The following DCDC1 variants were observed in gnomAD, a reference collection of about 807,000 sequenced individuals.
DCDC1 encodes doublecortin domain-containing protein 1.
In DCDC1, 200 loss-of-function variants were observed where a neutral mutation model predicts 178.3. The ratio of observed to expected loss-of-function variants is 1.12; its 90% CI spans 1.00 to 1.26. DCDC1 has a LOEUF of 1.26. DCDC1 is among the 50% of genes most tolerant of loss of function. DCDC1 has a pLI of 0.00. For synonymous variants in DCDC1, 690 were observed against 604.8 expected, an observed-to-expected ratio of 1.14 and a Z score of -2.07; for missense variants, 1,983 against 1,749.2, an observed-to-expected ratio of 1.13 and a Z score of -2.38.
chr11:30,917,874 T>A (rs1464568228), intron 25 of DCDC1, among the ~76,000 whole-genome samples: 2 of 152,212 alleles, frequency 1.3e-5, no homozygotes, highest in Middle Eastern at 3.2e-3. Flanking sequence ...CAAGCATTAT[T>A]AAATTACCAA....
At chr11:31,016,407 A>G (rs1345778396) in intron 20 of DCDC1, among the ~76,000 whole-genome samples, 1 of 152,320 alleles carries the variant, frequency 6.6e-6, no homozygotes, top group African/African-American at 2.4e-5. Context: ...ACATAATGTC[A>G]CTGAAGTTTA....
chr11:30,877,196 G>A (rs573649790), intron 38 of DCDC1, among the ~76,000 whole-genome samples: 97 of 152,200 alleles, frequency 6.4e-4, no homozygotes, highest in African/African-American at 1.9e-3. Flanking sequence ...CTTTTGCAGC[G>A]ATTACCAAGA....
chr11:31,240,379 G>A (rs574697068), intron 9 of DCDC1, among the ~76,000 whole-genome samples: 13 of 151,758 alleles, frequency 8.6e-5, no homozygotes, highest in African/African-American at 2.7e-4. Flanking sequence ...TGAATATAAC[G>A]AGACAAACCA....
chr11:31,258,415 G>A (rs1464280225), intron 8 of DCDC1, among the ~76,000 whole-genome samples: 1 of 152,074 alleles, frequency 6.6e-6, no homozygotes, highest in Non-Finnish European at 1.5e-5. Flanking sequence ...GTATGGACCA[G>A]AAAGCAAAAG....
chr11:31,055,972 T>C (rs1326590283), intron 20 of DCDC1, among the ~76,000 whole-genome samples: 1 of 152,134 alleles, frequency 6.6e-6, no homozygotes, highest in Non-Finnish European at 1.5e-5. Flanking sequence ...AGTAACTAAA[T>C]ACCACCTGTA....
chr11:31,033,261 G>A, intron 20 of DCDC1, among the ~76,000 whole-genome samples: 1 of 151,680 alleles, frequency 6.6e-6, no homozygotes, highest in East Asian at 1.9e-4. Flanking sequence ...AACTTACCAG[G>A]GGAAAAAATT....
At chr11:30,963,773 T>A (rs1489653809) in intron 20 of DCDC1, among the ~76,000 whole-genome samples, 2 of 152,162 alleles carry the variant, frequency 1.3e-5, no homozygotes, top group Non-Finnish European at 2.9e-5. Flanking sequence ...GGAGTCTCTT[T>A]GCCACAGCAG....
At chr11:31,307,562 T>C (rs1462231456) in intron 4 of DCDC1, 77 bp downstream of exon 4, 16 of 1,539,624 alleles carry the variant, frequency 1.0e-5, no homozygotes, top group Non-Finnish European at 1.3e-5. Flanking sequence ...AGATAGTCAA[T>C]TGAAACATTA....
At chr11:31,306,202 A>G (rs751666650) in intron 5 of DCDC1, 30 bp downstream of exon 5, 1 of 1,439,180 alleles carries the variant, frequency 6.9e-7, no homozygotes, top group Non-Finnish European at 9.2e-7. Flanking sequence ...AAAAAAAATA[A>G]AGCACAGAAA....
At chr11:31,122,464 C>T (rs1231543996) in intron 11 of DCDC1, among the ~76,000 whole-genome samples, 2 of 152,096 alleles carry the variant, frequency 1.3e-5, no homozygotes, top group Non-Finnish European at 2.9e-5. Flanking sequence ...AAATGTTTAG[C>T]AACCTGCTTA....
chr11:31,065,501 T>C (rs546756267), intron 18 of DCDC1, among the ~76,000 whole-genome samples: 1 of 152,276 alleles, frequency 6.6e-6, no homozygotes, highest in African/African-American at 2.4e-5. Flanking sequence ...TATGTAATTG[T>C]GTAGTTGCTG....
intron 1 of DCDC1, among the ~76,000 whole-genome samples, chr11:31,345,928 G>T (rs1950790463): frequency 6.6e-6 from 1 of 152,138 alleles, no homozygotes; most frequent in Admixed American, 6.5e-5. Flanking sequence ...GTCATCATGA[G>T]ATGAAAAGAC....
chr11:31,209,841 T>G (rs1031055148), intron 9 of DCDC1, among the ~76,000 whole-genome samples: 2 of 152,044 alleles, frequency 1.3e-5, no homozygotes, highest in Non-Finnish European at 2.9e-5. Flanking sequence ...GGAACAAGCA[T>G]GAACGGGAGA....
intron 20 of DCDC1, among the ~76,000 whole-genome samples, chr11:30,976,954 C>T (rs1035220236): frequency 1.3e-4 from 20 of 151,984 alleles, no homozygotes; most frequent in Non-Finnish European, 2.4e-4. Context: ...GTGGACAAAT[C>T]GACAAAGAAA....
intron 20 of DCDC1, among the ~76,000 whole-genome samples, chr11:31,024,301 A>ATCAT (rs957399497): frequency 1.3e-5 from 2 of 152,008 alleles, no homozygotes; most frequent in South Asian, 2.1e-4. Context: ...CCTGTGGAAT[A>ATCAT]TCATTCATTC....
At chr11:30,905,885 T>C (rs1436154408) in intron 30 of DCDC1, among the ~76,000 whole-genome samples, 1 of 152,180 alleles carries the variant, frequency 6.6e-6, no homozygotes, top group Non-Finnish European at 1.5e-5. Flanking sequence ...GATCTGGGGA[T>C]GAGGTGAGCA....
rs568985624 is a variant in DCDC1, at chr11:31,048,996, C to A, written c.2591+15473G>T. ...ATTGTTTAGAAATATTTAAAGAGGT[C>A]ATTCATCATAAGAGACTGATATTTG... On this transcript the variant is annotated intron_variant, in intron 20 of 38. Transcript: ENST00000684477. Among the ~76,000 whole-genome samples the A allele has an allele frequency of 1.1e-3, 161 of 152,298 alleles. 3 individuals are homozygous for A. Among genetic ancestry groups the A allele is most frequent in the Non-Finnish European group, 3.1e-4 (21 of 68,026 alleles).
intron 9 of DCDC1, among the ~76,000 whole-genome samples, chr11:31,187,630 C>T (rs1042205012): frequency 6.6e-6 from 1 of 152,160 alleles, no homozygotes; most frequent in African/African-American, 2.4e-5. Context: ...ATTCCTTGAC[C>T]ATAGACTTCA....
chr11:30,979,645 C>G (rs1449599261), intron 20 of DCDC1, among the ~76,000 whole-genome samples: 7 of 152,182 alleles, frequency 4.6e-5, no homozygotes, highest in African/African-American at 1.7e-4. Context: ...AGGTCCAAGA[C>G]TTGTCCAGCA....
Sources: allele counts gnomAD v4.1 joint callset (sites outside exome capture counted in the v4.1 genomes callset), GRCh38; gene constraint gnomAD v4.1.1; transcripts MANE v1.5; gene names NCBI Gene and HGNC (gene_info 2026-07-23, HGNC 2026-07-21).